Variants in UBQLNL observed in about 807,000 individuals in gnomAD.
The protein encoded by UBQLNL is ubiquilin-like protein.
For missense variants in UBQLNL, 589 were observed against 567.1 expected (o/e 1.04, Z -0.39); for synonymous variants, 223 against 209.7 (o/e 1.06, Z -0.55).
chr11:5,514,930 A>C lies in UBQLNL; in HGVS notation c.*84T>G, dbSNP rs866494169. The C allele has an allele frequency of 3.3e-5, 47 of 1,432,994 alleles. No individual in the cohort carries two copies. Among genetic ancestry groups the C allele is most frequent in the African/African-American group, 4.2e-5 (3 of 70,860 alleles). The allele number at this position is 1,432,994 out of a possible 1,614,324, so 88.8% of individuals were successfully genotyped here. A position where few individuals can be genotyped will look rare whatever the true frequency, so the allele number is the denominator to read the frequency against. ...AGGCCCCATAGGTAGGGTGCAACCCAAGGCAGAAGAACAGGAGCCTCTGTG... is the reference window on the plus strand; with the variant it reads ...AGGCCCCATAGGTAGGGTGCAACCCCAGGCAGAAGAACAGGAGCCTCTGTG... On this transcript the variant is annotated 3_prime_UTR_variant, in exon 1 of 1. Coordinates refer to ENST00000380184, the MANE Select transcript of UBQLNL (RefSeq NM_145053.5).
chr11:5,515,307 A>C lies in UBQLNL; in HGVS notation c.1135T>G (p.Trp379Gly), dbSNP rs393044. 1 allele frequency: 1,606,615 copies of C among 1,614,228 alleles called. 799,729 individuals carry two copies. Among genetic ancestry groups the C allele is most frequent in the East Asian group, 1 (44,870 of 44,870 alleles). The change falls in exon 1 of 1, where the codon TGG (tryptophan) becomes GGG (glycine). Residue 379 changes from tryptophan to glycine, a missense_variant. Trp to Gly is a radical substitution (Grantham distance 184). Transcript: ENST00000380184. ...TCTATGCTAGGTAAGGCTGGTATCC[A>C]AGCTGGCTGCCGAGTGGCACAGATA... ...SHICATRQPA[W>G]IPALPSIELT...
rs373016856 is a variant in UBQLNL at position 5,516,419 on chromosome 11, G to A, written c.23C>T (p.Thr8Ile). The A allele has an allele frequency of 6.2e-6, 10 of 1,613,724 alleles. No homozygotes were observed. In the African/African-American group the frequency reaches 1.2e-4, roughly 19 times the overall value. MWHAISRTSRMSQSGCPS... is the reference protein window; with the variant it reads MWHAISRISRMSQSGCPS... ...ACATCCACTCTGGGACATCCTGGAT[G>A]TTCGAGAGATGGCATGCCACATGGG... The change falls in exon 1 of 1, where the codon ACA becomes ATA. Residue 8 changes from threonine (T) to isoleucine (I), a missense_variant. Transcript: ENST00000380184.
In UBQLNL at chr11:5,515,761, C is replaced by A; in HGVS notation, c.681G>T (p.Glu227Asp). 1 of 1,614,120 alleles carries A rather than the reference C, an allele frequency of 6.2e-7. No individual in the cohort carries two copies. The highest frequency in any genetic ancestry group is 8.5e-7 in the Non-Finnish European group (1 of 1,180,004). Residue 227 changes from glutamate to aspartate, a missense_variant, in exon 1 of 1, where the codon GAG becomes GAT. Transcript: ENST00000380184. ...GGATCATAGCAAGGTTCCTGGCCAG[C>A]TCCAGAGTCTGCAATAGGATCTCAG... ...DNSEILLQTL[E>D]LARNLAMIQE...
Position 5,515,828 on chromosome 11 carries a change from A to G in UBQLNL, c.614T>C (p.Met205Thr), listed in dbSNP as rs933725503. The change falls in exon 1 of 1, where the codon ATG becomes ACG. Residue 205 changes from methionine to threonine, a missense_variant. Physicochemically the swap from Met to Thr is moderately conservative, Grantham distance 81. Transcript: ENST00000380184. ...ISEHLDTQQL[M>T]QQNPEVSRLL... ...GCGGGAAACTTCTGGGTTCTGCTGCATCAATTGTTGCGTGTCTAGATGTTC... is the reference window on the plus strand; with the variant it reads ...GCGGGAAACTTCTGGGTTCTGCTGCGTCAATTGTTGCGTGTCTAGATGTTC... 6.2e-7 allele frequency: 1 copy of G among 1,614,150 alleles called. No individual in the cohort carries two copies. Among genetic ancestry groups the G allele is most frequent in the Non-Finnish European group, 8.5e-7 (1 of 1,180,030 alleles).
Position 5,516,060 on chromosome 11 carries a change from T to C in UBQLNL, c.382A>G (p.Thr128Ala). 6.2e-7 allele frequency: 1 copy of C among 1,614,066 alleles called. No homozygotes were observed. Among genetic ancestry groups the C allele is most frequent in the Non-Finnish European group, 8.5e-7 (1 of 1,179,938 alleles). Residue 128 changes from threonine (T) to alanine (A), a missense_variant, in exon 1 of 1, where the codon ACC (threonine) becomes GCC (alanine). By Grantham distance (58) the Thr-to-Ala change is moderately conservative. Transcript: ENST00000380184. ...TNDPCHRDRN[T>A]KGNSSRVHQP... is the part of the protein sequence containing the mutation. ...TGCACTCTGCTGCTGTTTCCTTTGG[T>C]GTTTCTGTCCCGGTGGCAGGGATCA...
Position 5,515,922 on chromosome 11 carries a change from G to A in UBQLNL, c.490C>T (p.Gln164Ter), listed in dbSNP as rs904354744. 5.0e-6 allele frequency: 8 copies of A among 1,614,008 alleles called. No individual in the cohort carries two copies. Among genetic ancestry groups the A allele is most frequent in the Non-Finnish European group, 6.8e-6 (8 of 1,180,020 alleles). ...TGGATGCTAGGATTCTCCAGCATCT[G>A]TGCTTTGCACTCTGGGTGGCTCACT... Residue 164 changes from glutamine (Q) to a stop codon, truncating the protein, a stop_gained, in exon 2 of 2, where the codon CAG (glutamine) becomes TAG (stop). Coordinates refer to the UBQLNL transcript ENST00000673910. LOFTEE classifies it low-confidence loss of function (END_TRUNC).
Position 5,516,658 on chromosome 11 carries a change from G to A in UBQLNL, c.-217C>T, listed in dbSNP as rs573886820. ...AGTTCTCCAGATGTGGCCCAGCTGA[G>A]GCCTGGCATAGCTACTGATTCATAA... On this transcript the variant is annotated 5_prime_UTR_variant, in exon 1 of 1. Coordinates refer to ENST00000380184, the MANE Select transcript of UBQLNL (RefSeq NM_145053.5). 3 of 563,980 alleles carry A rather than the reference G, an allele frequency of 5.3e-6. No homozygotes were observed. In the East Asian group the frequency reaches 9.1e-5, roughly 17 times the overall value. The allele number at this position is 563,980 out of a possible 1,614,324, so 34.9% of individuals were successfully genotyped here.
chr11:5,514,979 A>C lies in UBQLNL; in HGVS notation c.*35T>G. 6.3e-7 allele frequency: 1 copy of C among 1,584,232 alleles called. No individual in the cohort carries two copies. The highest frequency in any genetic ancestry group is 1.1e-5 in the South Asian group (1 of 87,014). On this transcript the variant is annotated 3_prime_UTR_variant, in exon 1 of 1. Coordinates refer to ENST00000380184, the MANE Select transcript of UBQLNL (RefSeq NM_145053.5). ...TGGCCAGCAGCTGGAGGGCCTGCTC[A>C]ATCTGCAATATTGCTTGGAATGCTT...
Position 5,515,960 on chromosome 11 carries a change from G to T in UBQLNL, c.482C>A (p.Thr161Asn), listed in dbSNP as rs1273598161. Residue 161 changes from threonine (T) to asparagine (N), a missense_variant, in exon 1 of 1, where the codon ACC (threonine) becomes AAC (asparagine). Coordinates refer to ENST00000380184, the MANE Select transcript of UBQLNL (RefSeq NM_145053.5). The part of the protein sequence containing the change: ...FVGSDAPKVH[T>N]QNLEVSHPEC... Reference sequence around the variant, plus strand: ...TGGGTGGCTCACTTCCAAGTTTTGGGTATGCACTTTGGGTGCATCAGACCC... The same window carrying T: ...TGGGTGGCTCACTTCCAAGTTTTGGTTATGCACTTTGGGTGCATCAGACCC... 1 of 1,614,012 alleles carries T rather than the reference G, an allele frequency of 6.2e-7. No individual in the cohort carries two copies. The highest frequency in any genetic ancestry group is 8.5e-7 in the Non-Finnish European group (1 of 1,180,022).
Position 5,516,039 on chromosome 11 carries a change from C to T in UBQLNL, c.403G>A (p.Val135Met), listed in dbSNP as rs775789850. ...TGATTCATACCAGTTGGTTGGTGCA[C>T]TCTGCTGCTGTTTCCTTTGGTGTTT... ...DRNTKGNSSR[V>M]HQPTGMNQAP... Residue 135 changes from valine (V) to methionine (M), a missense_variant, in exon 1 of 1, where the codon GTG (valine) becomes ATG (methionine). Coordinates refer to ENST00000380184, the MANE Select transcript of UBQLNL (RefSeq NM_145053.5). 4 of 1,614,052 alleles carry T rather than the reference C, an allele frequency of 2.5e-6. No individual in the cohort carries two copies. In the Admixed American group the frequency reaches 6.7e-5, roughly 27 times the overall value.
Position 5,515,251 on chromosome 11 carries a change from C to T in UBQLNL, c.1191G>A (p.Lys397=). ...ELTQQLQEEY[K]DATVSLSSSR... ...AGCTACTTAGAGAAACAGTGGCATCCTTGTATTCTTCTTGAAGCTGCTGGG... is the reference window on the plus strand; with the variant it reads ...AGCTACTTAGAGAAACAGTGGCATCTTTGTATTCTTCTTGAAGCTGCTGGG... The change falls in exon 1 of 1, where the codon AAG becomes AAA. Residue 397 remains lysine, a synonymous_variant. Coordinates refer to ENST00000380184, the MANE Select transcript of UBQLNL (RefSeq NM_145053.5). 6.2e-7 allele frequency: 1 copy of T among 1,614,198 alleles called. No individual in the cohort carries two copies. Among genetic ancestry groups the T allele is most frequent in the Admixed American group, 1.7e-5 (1 of 60,026 alleles).
In UBQLNL at chr11:5,516,612, G is replaced by C. The variant is rs902002777; in HGVS notation, c.-171C>G. ...TGACCAGACTGGGGCCAGATATTTT[G>C]TGATGTTGTGCCCTCACCCCAGTTC... On this transcript the variant is annotated 5_prime_UTR_variant, in exon 1 of 1. Transcript: ENST00000380184. 27 of 633,314 alleles carry C rather than the reference G, an allele frequency of 4.3e-5. No homozygotes were observed. Among genetic ancestry groups the C allele is most frequent in the Non-Finnish European group, 6.7e-5 (24 of 356,534 alleles). The allele number at this position is 633,314 out of a possible 1,614,324, so 39.2% of individuals were successfully genotyped here. A position where few individuals can be genotyped will look rare whatever the true frequency, so the allele number is the denominator to read the frequency against.
Position 5,516,595 on chromosome 11 carries a change from C to A in UBQLNL, c.-154G>T. The stretch of plus-strand genomic sequence containing the variant: ...GCCCTAAAAGGGATGAGTGACCAGA[C>A]TGGGGCCAGATATTTTGTGATGTTG... On this transcript the variant is annotated 5_prime_UTR_variant, in exon 1 of 1. Coordinates refer to ENST00000380184, the MANE Select transcript of UBQLNL (RefSeq NM_145053.5). 1.5e-6 allele frequency: 1 copy of A among 667,296 alleles called. No individual in the cohort carries two copies. The highest frequency in any genetic ancestry group is 2.6e-6 in the Non-Finnish European group (1 of 385,116). 41.3% of individuals were successfully genotyped at this position (667,296 alleles called of 1,614,324 possible).
In UBQLNL at chr11:5,515,563, A is replaced by C; in HGVS notation, c.879T>G (p.Pro293=). ...CTTGTCCTGCCAGGAGAGCTGTGAA[A>C]GGGTTTCCTCCAAAAGGATCTTGCA... ...NSMQDPFGGN[P]FTALLAGQVL... Residue 293 remains proline (P), a synonymous_variant, in exon 1 of 1, where the codon CCT becomes CCG. Transcript: ENST00000380184. The C allele has an allele frequency of 1.2e-6, 2 of 1,614,096 alleles. No individual in the cohort carries two copies. The highest frequency in any genetic ancestry group is 8.5e-7 in the Non-Finnish European group (1 of 1,180,014).
chr11:5,516,256 G>A lies in UBQLNL; in HGVS notation c.186C>T (p.His62=), dbSNP rs1296221685. ...VRQFKEMLLA[H]FQCQMDQLVL... Reference sequence around the variant, plus strand: ...CTAGTTGGTCCATCTGGCATTGGAAGTGAGCCAATAGCATCTCCTTGAACT... The same window carrying A: ...CTAGTTGGTCCATCTGGCATTGGAAATGAGCCAATAGCATCTCCTTGAACT... Residue 62 remains histidine, a synonymous_variant, in exon 1 of 1, where the codon CAC becomes CAT. Transcript: ENST00000380184. 3 of 1,614,160 alleles carry A rather than the reference G, an allele frequency of 1.9e-6. No individual in the cohort carries two copies. Among genetic ancestry groups the A allele is most frequent in the South Asian group, 1.1e-5 (1 of 91,076 alleles).
At position 5,515,132 on chromosome 11, in the gene UBQLNL, G is replaced by C; in HGVS notation, c.1310C>G (p.Pro437Arg). The change falls in exon 1 of 1, where the codon CCC (proline) becomes CGC (arginine). Residue 437 changes from proline to arginine, a missense_variant. Pro to Arg is a moderately radical substitution (Grantham distance 103). Transcript: ENST00000380184. ...CAACATAATCTGAGCTGCCAGGTAGGGGTTGTTCATAAGCAACTGCATCAT... is the reference window on the plus strand; with the variant it reads ...CAACATAATCTGAGCTGCCAGGTAGCGGTTGTTCATAAGCAACTGCATCAT... ...GGMMQLLMNN[P>R]YLAAQIMLFT... 1.9e-6 allele frequency: 3 copies of C among 1,614,224 alleles called. No individual in the cohort carries two copies. Among genetic ancestry groups the C allele is most frequent in the Non-Finnish European group, 2.5e-6 (3 of 1,180,042 alleles).
At position 5,514,877 on chromosome 11, in the gene UBQLNL, G is replaced by T; in HGVS notation, c.*137C>A. The T allele has an allele frequency of 1.3e-6, 1 of 778,212 alleles. No homozygotes were observed. Among genetic ancestry groups the T allele is most frequent in the Non-Finnish European group, 2.1e-6 (1 of 476,990 alleles). The allele number at this position is 778,212 out of a possible 1,614,324, so 48.2% of individuals were successfully genotyped here. ...AGGAACAGGGCACTGTGTCAGGATA[G>T]CTGCAGCTGGGGGCAGGAAGCCAAC... On this transcript the variant is annotated 3_prime_UTR_variant, in exon 1 of 1. Transcript: ENST00000380184.
At position 5,515,796 on chromosome 11, in the gene UBQLNL, G is replaced by T. The variant is rs1404975833; in HGVS notation, c.646C>A (p.Leu216Ile). The T allele has an allele frequency of 6.2e-7, 1 of 1,613,976 alleles. No individual in the cohort carries two copies. ...TGCAATAGGATCTCAGAATTATCAA[G>T]AAGAAGGCGGGAAACTTCTGGGTTC... ...QQNPEVSRLLLDNSEILLQTL... is the reference protein window; with the variant it reads ...QQNPEVSRLLIDNSEILLQTL... The change falls in exon 1 of 1, where the codon CTT becomes ATT. Residue 216 changes from leucine to isoleucine, a missense_variant. Transcript: ENST00000380184.
chr11:5,515,123 G>T lies in UBQLNL; in HGVS notation c.1319C>A (p.Ala440Glu), dbSNP rs1846509946. 4 of 1,614,126 alleles carry T rather than the reference G, an allele frequency of 2.5e-6. No individual in the cohort carries two copies. Among genetic ancestry groups the T allele is most frequent in the Non-Finnish European group, 3.4e-6 (4 of 1,180,042 alleles). The change falls in exon 1 of 1, where the codon GCA (alanine) becomes GAA (glutamate). Residue 440 changes from alanine (A) to glutamate (E), a missense_variant. Coordinates refer to ENST00000380184, the MANE Select transcript of UBQLNL (RefSeq NM_145053.5). ...MQLLMNNPYLAAQIMLFTSMP... is the reference protein window; with the variant it reads ...MQLLMNNPYLEAQIMLFTSMP... ...ACTTGTGAACAACATAATCTGAGCT[G>T]CCAGGTAGGGGTTGTTCATAAGCAA...
Sources: allele counts gnomAD v4.1 joint callset, GRCh38; gene constraint gnomAD v4.1.1; transcripts MANE v1.5; gene names NCBI Gene and HGNC (gene_info 2026-07-23, HGNC 2026-07-21).